PCDHA10: variants seen among roughly 807,000 people sequenced by gnomAD.
PCDHA10 encodes the protein protocadherin alpha 10.
A neutral mutation model predicts 61.2 loss-of-function variants in PCDHA10; 45 were observed. That is an observed-to-expected ratio of 0.74 (90% confidence interval 0.58 to 0.94). PCDHA10 has a LOEUF of 0.94. PCDHA10 is among the 40% of genes least tolerant of loss of function. The pLI is 0.00. For missense variants in PCDHA10, 1,278 were observed against 1,236.2 expected (o/e 1.03, Z -0.51); for synonymous variants, 602 against 548.8 (o/e 1.10, Z -1.35).
At chr5:140,928,326 C>T (rs1554205788) in intron 1 of PCDHA10, 1 of 1,614,162 alleles carries the variant, frequency 6.2e-7, no homozygotes, top group Non-Finnish European at 8.5e-7. Context: ...GGAAGAATGG[C>T]CTTGTCTCTT....
intron 3 of PCDHA10, among the ~76,000 whole-genome samples, chr5:140,994,064 A>G (rs902624513): frequency 6.6e-6 from 1 of 152,142 alleles, no homozygotes; most frequent in African/African-American, 2.4e-5. Context: ...TATAAATCTA[A>G]TGGTGAAGGG....
At chr5:140,946,573 A>C (rs1272286008) in intron 1 of PCDHA10, among the ~76,000 whole-genome samples, 1 of 147,140 alleles carries the variant, frequency 6.8e-6, no homozygotes, top group African/African-American at 2.6e-5. Flanking sequence ...GAATCAACTT[A>C]GGTGTTCATA....
At chr5:140,869,126 G>C in intron 1 of PCDHA10, 1 of 1,611,852 alleles carries the variant, frequency 6.2e-7, no homozygotes, top group African/African-American at 1.3e-5. Context: ...CAGAGAAGGG[G>C]ATTGGGCACC....
intron 1 of PCDHA10, among the ~76,000 whole-genome samples, chr5:140,894,571 T>C (rs782019282): frequency 2.0e-5 from 3 of 151,906 alleles, no homozygotes; most frequent in Non-Finnish European, 4.4e-5. Flanking sequence ...TTATTTTCCT[T>C]TTTTTTAATA....
At chr5:140,868,689 T>A (rs951881699) in intron 1 of PCDHA10, 4 of 174,918 alleles carry the variant, frequency 2.3e-5, no homozygotes, top group Admixed American at 2.1e-4. Flanking sequence ...GTTATAATGT[T>A]AAGTCAAACA....
At chr5:140,943,277 AG>A (rs199866143) in intron 1 of PCDHA10, among the ~76,000 whole-genome samples, 16,429 of 127,604 alleles carry the variant, frequency 0.13, 1,638 homozygotes, top group African/African-American at 0.18. Flanking sequence ...AAAAAAAAAA[AG>A]AAAGAAAGAA....
intron 1 of PCDHA10, among the ~76,000 whole-genome samples, chr5:140,918,519 G>A (rs2078736782): frequency 6.6e-6 from 1 of 152,068 alleles, no homozygotes. Flanking sequence ...AACTTATTGA[G>A]GATTGTTTTA....
chr5:140,906,382 G>A (rs1384682039), intron 1 of PCDHA10, among the ~76,000 whole-genome samples: 2 of 152,072 alleles, frequency 1.3e-5, no homozygotes, highest in Non-Finnish European at 2.9e-5. Context: ...ATTACATAAA[G>A]TTAACATTTA....
At chr5:140,879,512 G>C (rs1378276808) in intron 1 of PCDHA10, among the ~76,000 whole-genome samples, 1 of 152,156 alleles carries the variant, frequency 6.6e-6, no homozygotes, top group Non-Finnish European at 1.5e-5. Flanking sequence ...AGAGATTATT[G>C]ATATAGATTT....
intron 1 of PCDHA10, among the ~76,000 whole-genome samples, chr5:140,969,915 GC>G (rs1181399848): frequency 2.0e-5 from 3 of 152,192 alleles, no homozygotes; most frequent in African/African-American, 7.2e-5. Flanking sequence ...AAGTGATAAA[GC>G]TGTAGTATTT....
Position 141,010,327 on chromosome 5 carries a change from G to T in PCDHA10, c.*390G>T, listed in dbSNP as rs2098416942. 5 of 1,539,742 alleles carry T rather than the reference G, an allele frequency of 3.2e-6. No individual in the cohort carries two copies. The highest frequency in any genetic ancestry group is 2.4e-5 in the South Asian group (2 of 82,532). On this transcript the variant is annotated 3_prime_UTR_variant, in exon 4 of 4. Transcript: ENST00000307360. ...AAAGTTTTGAGATTGAGCAGCTTGGGAGTTTGTGGCCACTGGGTATGTGTG... is the reference window on the plus strand; with the variant it reads ...AAAGTTTTGAGATTGAGCAGCTTGGTAGTTTGTGGCCACTGGGTATGTGTG...
intron 1 of PCDHA10, chr5:140,926,714 C>G: frequency 1.1e-6 from 1 of 951,084 alleles, no homozygotes; most frequent in Non-Finnish European, 1.4e-6. Context: ...TGGCCAGCCC[C>G]GGCAATGCCG....
At chr5:140,877,316 C>T in intron 1 of PCDHA10, 1 of 1,613,948 alleles carries the variant, frequency 6.2e-7, no homozygotes. Flanking sequence ...CAACCGGCGG[C>T]GGTCGGCGCG....
chr5:140,967,737 A>G, intron 1 of PCDHA10: 1 of 1,614,170 alleles, frequency 6.2e-7, no homozygotes, highest in Non-Finnish European at 8.5e-7. Flanking sequence ...GGGGGGCTGG[A>G]TTATGAGGAA....
intron 1 of PCDHA10, chr5:140,862,870 G>T: frequency 1.8e-6 from 1 of 569,162 alleles, no homozygotes; most frequent in Non-Finnish European, 3.4e-6. Flanking sequence ...GACGCTGCCA[G>T]GTATTAGTGC....
intron 1 of PCDHA10, chr5:140,862,573 G>A (rs1252034022): frequency 4.1e-6 from 2 of 484,618 alleles, no homozygotes; most frequent in East Asian, 1.1e-4. Context: ...CAATGCCCTG[G>A]CGTTCCAGCA....
At chr5:140,870,001 G>A (rs782788057) in intron 1 of PCDHA10, 1 of 1,613,566 alleles carries the variant, frequency 6.2e-7, no homozygotes, top group Non-Finnish European at 8.5e-7. Flanking sequence ...AAATAATGGA[G>A]AAGTGAGGGT....
At chr5:140,967,690 C>T (rs782694266) in intron 1 of PCDHA10, 1 of 1,614,190 alleles carries the variant, frequency 6.2e-7, no homozygotes, top group Admixed American at 1.7e-5. Flanking sequence ...GGCAGCTCTT[C>T]AGCATAGATG....
intron 1 of PCDHA10, among the ~76,000 whole-genome samples, chr5:140,976,886 AC>A (rs2096735847): frequency 6.6e-6 from 1 of 152,232 alleles, no homozygotes; most frequent in African/African-American, 2.4e-5. Flanking sequence ...GAATTAGGAT[AC>A]ATGCAACAGT....
Sources: gnomAD v4.1 joint callset for allele counts (sites outside exome capture counted in the v4.1 genomes callset) on GRCh38, gnomAD v4.1.1 for gene constraint, MANE v1.5 for transcripts, NCBI Gene and HGNC (gene_info 2026-07-23, HGNC 2026-07-21) for gene names.